Variants in MYT1L observed in about 807,000 individuals in gnomAD.
MYT1L encodes the protein myelin transcription factor 1-like protein.
MYT1L carries 12 observed loss-of-function variants against 126.7 expected under a neutral mutation model. The ratio of observed to expected loss-of-function variants is 0.09; its 90% confidence interval spans 0.06 to 0.15. The LOEUF is 0.15. Among genes scored for constraint, MYT1L ranks in the 10% least tolerant of loss-of-function variants. The pLI, the probability that MYT1L is intolerant of heterozygous loss-of-function variation, is 1.00. For missense variants in MYT1L, 979 were observed against 1,585.2 expected, an observed-to-expected ratio of 0.62 and a Z score of 6.49; for synonymous variants, 541 against 604.2, an observed-to-expected ratio of 0.90 and a Z score of 1.53.
intron 2 of MYT1L, among the ~76,000 whole-genome samples, chr2:2,277,930 T>C (rs2095390117): frequency 2.0e-5 from 3 of 152,232 alleles, no homozygotes; most frequent in South Asian, 4.1e-4. Context: ...TGAATATCTT[T>C]AGAAATCCAT....
intron 23 of MYT1L, among the ~76,000 whole-genome samples, chr2:1,800,818 C>A (rs2034711283): frequency 6.6e-6 from 1 of 152,098 alleles, no homozygotes. Flanking sequence ...TCCCAGCAAA[C>A]CGAGCAACCT....
At chr2:1,956,579 TCTATCTA>T (rs1558533941) in intron 8 of MYT1L, among the ~76,000 whole-genome samples, 1,528 of 102,072 alleles carry the variant, frequency 0.015, 62 homozygotes, top group African/African-American at 0.044. Flanking sequence ...TCCTATTCTA[TCTATCTA>T]TCTATCTATC....
chr2:2,303,650 C>T (rs1278553340), intron 1 of MYT1L: 2 of 152,174 alleles, frequency 1.3e-5, no homozygotes, highest in Non-Finnish European at 2.9e-5. Context: ...GAGCACACAT[C>T]TTAGAGGACA....
At chr2:1,865,359 G>A (rs1466271133) in intron 18 of MYT1L, among the ~76,000 whole-genome samples, 1 of 152,178 alleles carries the variant, frequency 6.6e-6, no homozygotes, top group Non-Finnish European at 1.5e-5. Context: ...GAGGCACTCA[G>A]GGGTGTGGCC....
chr2:2,170,938 C>T (rs914499163), intron 3 of MYT1L, among the ~76,000 whole-genome samples: 3 of 152,102 alleles, frequency 2.0e-5, no homozygotes, highest in Non-Finnish European at 4.4e-5. Flanking sequence ...GTGGAAAGAT[C>T]GACGTGAAAT....
intron 3 of MYT1L, among the ~76,000 whole-genome samples, chr2:2,092,833 C>G (rs1354227948): frequency 6.6e-6 from 1 of 152,192 alleles, no homozygotes; most frequent in Non-Finnish European, 1.5e-5. Context: ...AAGTGACACA[C>G]AGAGCAGTAA....
intron 3 of MYT1L, among the ~76,000 whole-genome samples, chr2:2,075,969 C>G (rs936975798): frequency 3.3e-5 from 5 of 152,216 alleles, no homozygotes; most frequent in African/African-American, 9.6e-5. Context: ...ATTAAAAGCA[C>G]TGTCCTCAGA....
chr2:1,973,200 C>A lies in MYT1L; in HGVS notation c.152+5965G>T, dbSNP rs183915649. 1.3e-3 allele frequency among the ~76,000 whole-genome samples: 196 copies of A among 152,194 alleles called. 1 individual carries two copies. The highest frequency in any genetic ancestry group is 4.5e-3 in the African/African-American group (185 of 41,508). On this transcript the variant is annotated intron_variant, in intron 8 of 24. Coordinates refer to ENST00000647738, the MANE Select transcript of MYT1L (RefSeq NM_001303052.2). ...ATCACCATTTGGAAATAAGTGTGTC[C>A]AATTCATTCCAAATGTCTTAGCATG...
chr2:1,900,911 G>T (rs1036528718), intron 14 of MYT1L, among the ~76,000 whole-genome samples: 3 of 152,166 alleles, frequency 2.0e-5, no homozygotes, highest in African/African-American at 7.2e-5. Context: ...CCGGGAATGC[G>T]ATGATCAATG....
chr2:2,124,271 C>T (rs1449428281), intron 3 of MYT1L, among the ~76,000 whole-genome samples: 2 of 151,998 alleles, frequency 1.3e-5, no homozygotes, highest in Non-Finnish European at 2.9e-5. Context: ...TAGGGATAGG[C>T]GAATATTACA....
intron 4 of MYT1L, among the ~76,000 whole-genome samples, chr2:2,046,381 T>C (rs2068190967): frequency 6.6e-6 from 1 of 152,240 alleles, no homozygotes; most frequent in African/African-American, 2.4e-5. Context: ...CTCCATTACA[T>C]GAATATAGCA....
chr2:2,045,969 C>T (rs1162698667), intron 4 of MYT1L, among the ~76,000 whole-genome samples: 2 of 152,284 alleles, frequency 1.3e-5, no homozygotes, highest in African/African-American at 4.8e-5. Flanking sequence ...CCTCCAGGGC[C>T]GCTGTCGTCT....
chr2:2,187,982 G>A (rs1355414592), intron 2 of MYT1L, among the ~76,000 whole-genome samples: 1 of 151,742 alleles, frequency 6.6e-6, no homozygotes, highest in African/African-American at 2.4e-5. Flanking sequence ...ATGCATATTT[G>A]CCTCTGTCTA....
intron 8 of MYT1L, among the ~76,000 whole-genome samples, chr2:1,957,271 T>C (rs1420515612): frequency 6.6e-6 from 1 of 152,180 alleles, no homozygotes; most frequent in Non-Finnish European, 1.5e-5. Flanking sequence ...TTTGAAAGTT[T>C]AAAAAAATTT....
intron 3 of MYT1L, among the ~76,000 whole-genome samples, chr2:2,120,955 T>G (rs2147884180): frequency 6.6e-6 from 1 of 152,136 alleles, no homozygotes; most frequent in Middle Eastern, 3.4e-3. Flanking sequence ...CCAGTGAACC[T>G]GTGTGTTAGA....
rs1464472235 is a variant in MYT1L at position 1,791,258 on chromosome 2, T to A, written c.*609A>T. ...CATTTATTGCCCCCACCATACACCA[T>A]CCTCCTAAAACAAACAAACAAAAAA... On this transcript the variant is annotated 3_prime_UTR_variant, in exon 25 of 25. Transcript: ENST00000647738. The surrounding 1 kb of genome is among the most constrained non-coding windows in gnomAD (Gnocchi z 6.0). 4.3e-6 allele frequency: 2 copies of A among 470,316 alleles called. No individual in the cohort carries two copies. The highest frequency in any genetic ancestry group is 1.4e-4 in the East Asian group (2 of 14,364). The allele number at this position is 470,316 out of a possible 1,614,324, so 29.1% of individuals were successfully genotyped here.
At chr2:2,166,885 C>T (rs1318484910) in intron 3 of MYT1L, among the ~76,000 whole-genome samples, 1 of 152,166 alleles carries the variant, frequency 6.6e-6, no homozygotes, top group East Asian at 1.9e-4. Context: ...TTTTGCTTCT[C>T]TTCTGCATCC....
chr2:2,219,495 A>G (rs2093792049), intron 2 of MYT1L, among the ~76,000 whole-genome samples: 1 of 152,258 alleles, frequency 6.6e-6, no homozygotes. Context: ...GCTGTAATAA[A>G]GAGATCAATG....
intron 20 of MYT1L, 102 bp downstream of exon 20, chr2:1,840,658 C>T: frequency 1.2e-6 from 1 of 844,884 alleles, no homozygotes; most frequent in Non-Finnish European, 1.9e-6. Flanking sequence ...GCCACTAAGA[C>T]CCGCTGTCTC....
Sources: allele counts gnomAD v4.1 joint callset (sites outside exome capture counted in the v4.1 genomes callset), GRCh38; gene constraint gnomAD v4.1.1; non-coding constraint Gnocchi (gnomAD v3.1); transcripts MANE v1.5; gene names NCBI Gene and HGNC (gene_info 2026-07-23, HGNC 2026-07-21).